Variants in SIM2 observed in about 807,000 individuals in gnomAD.
SIM2 encodes SIM bHLH transcription factor 2.
SIM2 carries 28 observed loss-of-function variants against 64.8 expected under a neutral mutation model. The observed-to-expected ratio is 0.43, with a 90% CI of 0.32 to 0.59. The LOEUF (loss-of-function observed/expected upper bound fraction) is 0.59, where lower values mean the gene tolerates loss of function less well. SIM2 is among the 20% of genes least tolerant of loss of function. The pLI is 0.07. For missense variants in SIM2, 847 were observed against 871.4 expected (o/e 0.97, Z 0.35); for synonymous variants, 408 against 391.1 (o/e 1.04, Z -0.51).
At chr21:36,730,453 G>A (rs565932750) in intron 6 of SIM2, among the ~76,000 whole-genome samples, 1 of 152,260 alleles carries the variant, frequency 6.6e-6, no homozygotes. Flanking sequence ...AAAGTACAAG[G>A]GAGGCTACTG....
Position 36,726,268 on chromosome 21 carries a change from G to A in SIM2, c.693G>A (p.Met231Ile), listed in dbSNP as rs1364860728. Reference protein sequence around the residue: ...AITEIKLYSNMFMFRASLDLK... With the variant: ...AITEIKLYSNIFMFRASLDLK... The stretch of plus-strand genomic sequence containing the variant: ...CCGAGATCAAGCTGTACAGTAACAT[G>A]TTCATGTTCAGGGCCAGCCTTGACC... The change falls in exon 6 of 11, where the codon ATG becomes ATA. Residue 231 changes from methionine (M) to isoleucine (I), a missense_variant. Around this residue, in one of 3 missense-constraint regions of SIM2, gnomAD observed 397 missense variants for 439.2 expected, o/e 0.90. Coordinates refer to ENST00000290399, the MANE Select transcript of SIM2 (RefSeq NM_005069.6). The surrounding 1 kb of genome is among the most constrained non-coding windows in gnomAD (Gnocchi z 4.5). 1 of 1,613,618 alleles carries A rather than the reference G, an allele frequency of 6.2e-7. No homozygotes were observed. The highest frequency in any genetic ancestry group is 8.5e-7 in the Non-Finnish European group (1 of 1,180,046).
chr21:36,719,735 G>T, intron 3 of SIM2, 86 bp from the exon 4 acceptor site: 1 of 777,390 alleles, frequency 1.3e-6, no homozygotes, highest in East Asian at 2.4e-5. Context: ...TCCTGGCAGG[G>T]TGAGCACCTG....
intron 5 of SIM2, 86 bp downstream of exon 5, chr21:36,723,216 G>A: frequency 9.0e-7 from 1 of 1,112,976 alleles, no homozygotes; most frequent in South Asian, 1.2e-5. Flanking sequence ...GGAAGGCACG[G>A]GAGCACAAAC....
rs1327800111 is a variant in SIM2 at position 36,709,241 on chromosome 21, C to T, written c.249C>T (p.His83=). The part of the protein sequence containing the change: ...LDGVAKELGS[H]LLQTLDGFVF... ...GCGTCGCCAAGGAGCTGGGATCGCA[C>T]TTGCTGCAGGTAGAGCGGCCTCGCC... Residue 83 remains histidine, a synonymous_variant, in exon 2 of 11, where the codon CAC becomes CAT. Transcript: ENST00000290399. The T allele has an allele frequency of 6.2e-7, 1 of 1,605,330 alleles. No individual in the cohort carries two copies.
chr21:36,707,975 G>GGGCATCGTGGGT (rs2088611367), intron 1 of SIM2, among the ~76,000 whole-genome samples: 1 of 152,148 alleles, frequency 6.6e-6, no homozygotes, highest in South Asian at 2.1e-4. Context: ...CTGGCCCAGC[G>GGGCATCGTGGGT]TGGGTTGGGG....
At chr21:36,722,331 C>A (rs769897418) in intron 4 of SIM2, among the ~76,000 whole-genome samples, 4 of 152,176 alleles carry the variant, frequency 2.6e-5, no homozygotes, top group Non-Finnish European at 5.9e-5. Context: ...AGGGCAGTGA[C>A]CTCAGGGAGG....
intron 1 of SIM2, among the ~76,000 whole-genome samples, chr21:36,705,213 G>T (rs1019449341): frequency 6.6e-6 from 1 of 152,226 alleles, no homozygotes; most frequent in African/African-American, 2.4e-5. Flanking sequence ...GGCTGCCCGC[G>T]CAGAAAGCTC....
rs1484544110 is a variant in SIM2 at position 36,699,803 on chromosome 21, G to C, written c.57G>C (p.Glu19Asp). ...CCAGGAGGGAGAAGGAAAATGGCGA[G>C]TTTTACGAGCTTGCCAAGCTGCTCC... ...AKTRREKENG[E>D]FYELAKLLPL... The change falls in exon 1 of 11, where the codon GAG becomes GAC. Residue 19 changes from glutamate (E) to aspartate (D), a missense_variant. Physicochemically the swap from Glu to Asp is conservative, Grantham distance 45. This residue lies in a region of SIM2 where 397 missense variants were observed against 439.2 expected (regional missense o/e 0.90). Transcript: ENST00000290399. This position sits in a 1 kb window ranked among gnomAD's most constrained non-coding sequence, Gnocchi z 5.6. 1 of 1,612,704 alleles carries C rather than the reference G, an allele frequency of 6.2e-7. No individual in the cohort carries two copies. The highest frequency in any genetic ancestry group is 1.1e-5 in the South Asian group (1 of 90,798).
chr21:36,743,540 C>T lies in SIM2; in HGVS notation c.1152C>T (p.Asn384=), dbSNP rs752968777. 3 of 1,613,740 alleles carry T rather than the reference C, an allele frequency of 1.9e-6. No homozygotes were observed. Among genetic ancestry groups the T allele is most frequent in the Non-Finnish European group, 1.7e-6 (2 of 1,179,892 alleles). The part of the protein sequence containing the change: ...NTKMKTKLRT[N]PYPPQQYSSF... ...AGATGAAGACAAAGCTGAGAACAAACCCTTACCCCCCACAGGTAACACGCA... is the reference window on the plus strand; with the variant it reads ...AGATGAAGACAAAGCTGAGAACAAATCCTTACCCCCCACAGGTAACACGCA... The change falls in exon 9 of 11, where the codon AAC becomes AAT. Residue 384 remains asparagine, a synonymous_variant. Coordinates refer to ENST00000290399, the MANE Select transcript of SIM2 (RefSeq NM_005069.6).
At position 36,726,162 on chromosome 21, in the gene SIM2, T is replaced by C. The variant is rs761416114; in HGVS notation, c.587T>C (p.Leu196Pro). Residue 196 changes from leucine (L) to proline (P), a missense_variant, in exon 6 of 11, where the codon CTG becomes CCG. By Grantham distance (98) the Leu-to-Pro change is moderately conservative. Coordinates refer to ENST00000290399, the MANE Select transcript of SIM2 (RefSeq NM_005069.6). The surrounding 1 kb of genome is among the most constrained non-coding windows in gnomAD (Gnocchi z 4.5). ...SGYLKIRQYMLDMSLYDSCYQ... is the reference protein window; with the variant it reads ...SGYLKIRQYMPDMSLYDSCYQ... ...TACTTGAAGATCAGGCAGTATATGC[T>C]GGACATGTCCCTGTACGACTCCTGC... The C allele has an allele frequency of 5.6e-6, 9 of 1,614,032 alleles. No homozygotes were observed. The highest frequency in any genetic ancestry group is 2.2e-5 in the East Asian group (1 of 44,886).
At chr21:36,701,878 C>T (rs1034294537) in intron 1 of SIM2, among the ~76,000 whole-genome samples, 4 of 152,292 alleles carry the variant, frequency 2.6e-5, no homozygotes, top group South Asian at 4.1e-4. Flanking sequence ...GGTGTGGAAT[C>T]CGGACGAGAG....
At chr21:36,713,350 T>C (rs1233241285) in intron 3 of SIM2, among the ~76,000 whole-genome samples, 1 of 152,160 alleles carries the variant, frequency 6.6e-6, no homozygotes, top group Non-Finnish European at 1.5e-5. Context: ...AAGGGTTTGA[T>C]GGGGGATTTG....
intron 7 of SIM2, among the ~76,000 whole-genome samples, chr21:36,736,907 T>C (rs2089066237): frequency 6.6e-6 from 1 of 151,816 alleles, no homozygotes; most frequent in East Asian, 1.9e-4. Flanking sequence ...TTCTTTTTCT[T>C]TCGTTCTTTC....
chr21:36,727,745 T>TATG (rs2088911961), intron 6 of SIM2, among the ~76,000 whole-genome samples: 1 of 152,198 alleles, frequency 6.6e-6, no homozygotes, highest in Admixed American at 6.5e-5. Context: ...TTGCTTTCTG[T>TATG]ATGTCCAGAA....
chr21:36,702,899 TG>T (rs1422903936), intron 1 of SIM2, among the ~76,000 whole-genome samples: 2 of 139,998 alleles, frequency 1.4e-5, no homozygotes, highest in African/African-American at 5.3e-5. Flanking sequence ...AGTGGATTGC[TG>T]GGGTAAAGAA....
chr21:36,740,935 C>T (rs551105102), intron 7 of SIM2, among the ~76,000 whole-genome samples: 98 of 152,326 alleles, frequency 6.4e-4, no homozygotes, highest in African/African-American at 2.2e-3. Context: ...CCTGGAGAAG[C>T]TTCACCTCTC....
chr21:36,720,557 G>C (rs988474633), intron 4 of SIM2: 1 of 152,212 alleles, frequency 6.6e-6, no homozygotes, highest in Admixed American at 6.5e-5. Context: ...TCTTATTTAT[G>C]TATTAATAAA....
At chr21:36,710,847 G>A (rs2088665757) in intron 2 of SIM2, among the ~76,000 whole-genome samples, 1 of 152,232 alleles carries the variant, frequency 6.6e-6, no homozygotes, top group South Asian at 2.1e-4. Context: ...GCCCTGCCCA[G>A]GCGGCCTCTG....
intron 5 of SIM2, among the ~76,000 whole-genome samples, chr21:36,725,420 C>T (rs2088877392): frequency 6.6e-6 from 1 of 152,068 alleles, no homozygotes; most frequent in Admixed American, 6.6e-5. Context: ...AAGTTCAATC[C>T]CATTGGAAGG....
Sources: allele counts gnomAD v4.1 joint callset (sites outside exome capture counted in the v4.1 genomes callset), GRCh38; gene constraint gnomAD v4.1.1; regional missense constraint gnomAD v4.1.1; non-coding constraint Gnocchi (gnomAD v3.1); transcripts MANE v1.5; gene names NCBI Gene and HGNC (gene_info 2026-07-23, HGNC 2026-07-21).